CFAP299: variants seen among roughly 807,000 people sequenced by gnomAD.
The protein encoded by CFAP299 is cilia- and flagella-associated protein 299.
CFAP299 carries 21 observed loss-of-function variants against 27.0 expected under a neutral mutation model. The ratio of observed to expected loss-of-function variants is 0.78; its 90% confidence interval spans 0.55 to 1.12. The LOEUF (loss-of-function observed/expected upper bound fraction) is 1.12, where lower values mean the gene tolerates loss of function less well. Among genes scored for constraint, CFAP299 ranks in the 50% most tolerant of loss-of-function variants. The probability of loss-of-function intolerance (pLI) is 0.00; values close to 1 mark genes in which losing one functional copy is unlikely to be tolerated. For synonymous variants in CFAP299, 104 were observed against 98.1 expected (o/e 1.06, Z -0.36); for missense variants, 310 against 276.6 (o/e 1.12, Z -0.86).
intron 2 of CFAP299, among the ~76,000 whole-genome samples, chr4:80,488,475 T>C (rs1364966684): frequency 1.5e-4 from 14 of 94,912 alleles, no homozygotes; most frequent in African/African-American, 1.0e-3. Flanking sequence ...GGTAAACACC[T>C]TTTTTTTTTT....
chr4:80,926,238 T>C (rs1171602577), intron 4 of CFAP299, among the ~76,000 whole-genome samples: 1 of 152,030 alleles, frequency 6.6e-6, no homozygotes, highest in East Asian at 1.9e-4. Context: ...GTGCATGATG[T>C]GACTAGAGAG....
At chr4:80,678,292 T>G (rs1719603879) in intron 3 of CFAP299, among the ~76,000 whole-genome samples, 1 of 152,048 alleles carries the variant, frequency 6.6e-6, no homozygotes, top group South Asian at 2.1e-4. Flanking sequence ...CGTTTAAATT[T>G]GCTTTCATTT....
intron 4 of CFAP299, among the ~76,000 whole-genome samples, chr4:80,885,939 T>C (rs1313448182): frequency 1.3e-5 from 2 of 152,134 alleles, no homozygotes; most frequent in Non-Finnish European, 2.9e-5. Flanking sequence ...TTGGACAGCA[T>C]TTCTGGACCT....
chr4:80,904,123 T>G (rs1454928090), intron 4 of CFAP299, among the ~76,000 whole-genome samples: 1 of 152,148 alleles, frequency 6.6e-6, no homozygotes, highest in Non-Finnish European at 1.5e-5. Context: ...CAGTTGTGAG[T>G]GTATTATTTT....
intron 2 of CFAP299, among the ~76,000 whole-genome samples, chr4:80,391,052 C>T (rs13101758): frequency 2.6e-5 from 4 of 151,280 alleles, no homozygotes; most frequent in Middle Eastern, 3.2e-3. Context: ...CACATATATA[C>T]ACACATATAT....
intron 4 of CFAP299, among the ~76,000 whole-genome samples, chr4:80,913,516 A>T (rs941186464): frequency 6.6e-6 from 1 of 151,968 alleles, no homozygotes; most frequent in Non-Finnish European, 1.5e-5. Flanking sequence ...GTGTTTGAGG[A>T]GAGAGAGGCA....
intron 3 of CFAP299, among the ~76,000 whole-genome samples, chr4:80,754,997 A>G (rs1294366445): frequency 6.6e-6 from 1 of 152,142 alleles, no homozygotes; most frequent in Non-Finnish European, 1.5e-5. Flanking sequence ...TTTTTAAGTC[A>G]TTAATTGTCA....
At chr4:80,816,896 G>C (rs1444858797) in intron 3 of CFAP299, among the ~76,000 whole-genome samples, 1 of 152,108 alleles carries the variant, frequency 6.6e-6, no homozygotes, top group Admixed American at 6.6e-5. Flanking sequence ...TTATGAATTT[G>C]TGTTGGGCTG....
chr4:80,357,320 A>G (rs1327165502), intron 1 of CFAP299, among the ~76,000 whole-genome samples: 1 of 152,192 alleles, frequency 6.6e-6, no homozygotes, highest in Non-Finnish European at 1.5e-5. Context: ...TATCTCTGCC[A>G]GGTTTTGGTA....
chr4:80,359,666 A>C (rs570585841), intron 1 of CFAP299, among the ~76,000 whole-genome samples: 1 of 152,162 alleles, frequency 6.6e-6, no homozygotes, highest in African/African-American at 2.4e-5. Context: ...GTTTCAGCTC[A>C]ATCAGGTTAG....
intron 3 of CFAP299, among the ~76,000 whole-genome samples, chr4:80,687,873 G>T (rs1720320373): frequency 6.6e-6 from 1 of 152,218 alleles, no homozygotes; most frequent in Admixed American, 6.5e-5. Context: ...TTGCCTCACT[G>T]GGGAAGCACA....
At chr4:80,454,277 CA>C (rs1394192359) in intron 2 of CFAP299, among the ~76,000 whole-genome samples, 2 of 152,170 alleles carry the variant, frequency 1.3e-5, no homozygotes, top group African/African-American at 4.8e-5. Flanking sequence ...AGTTGAAAAA[CA>C]AGGACATTAG....
In CFAP299 at chr4:80,426,091, C is replaced by A. The variant is rs144778667; in HGVS notation, c.242+63207C>A. Among the ~76,000 whole-genome samples, 934 of 151,176 alleles carry A rather than the reference C, an allele frequency of 6.2e-3. 1 individual carries two copies. The highest frequency in any genetic ancestry group is 0.024 in the Middle Eastern group (7 of 288). ...GTTTAATAAAATTGACCACCAAAGA[C>A]AGCCTAATAGAGTTACCAGAGCTTT... is the stretch of plus-strand genomic sequence containing the variant. On this transcript the variant is annotated intron_variant, in intron 2 of 5. Coordinates refer to ENST00000358105, the MANE Select transcript of CFAP299 (RefSeq NM_152770.3).
Position 80,371,763 on chromosome 4 carries a change from AC to A in CFAP299, c.242+8881del, listed in dbSNP as rs1450563939. On this transcript the variant is annotated intron_variant, in intron 2 of 5. Coordinates refer to ENST00000358105, the MANE Select transcript of CFAP299 (RefSeq NM_152770.3). ...TTTCAATCTGAGACCACTTCAGCCTACCTTCACTATTCATATCACTATCAGC... is the reference window on the plus strand; with the variant it reads ...TTTCAATCTGAGACCACTTCAGCCTACTTCACTATTCATATCACTATCAGC... Among the ~76,000 whole-genome samples the A allele has an allele frequency of 2.6e-5, 4 of 152,192 alleles. No homozygotes were observed. In the East Asian group the frequency reaches 7.7e-4, roughly 29 times the overall value.
chr4:80,566,282 T>A (rs1359977216), intron 2 of CFAP299, among the ~76,000 whole-genome samples: 2 of 152,028 alleles, frequency 1.3e-5, no homozygotes, highest in Non-Finnish European at 1.5e-5. Context: ...TCTAATAGTA[T>A]TTTTTTAAGT....
At chr4:80,536,209 T>A (rs1733731358) in intron 2 of CFAP299, among the ~76,000 whole-genome samples, 1 of 152,170 alleles carries the variant, frequency 6.6e-6, no homozygotes, top group Non-Finnish European at 1.5e-5. Context: ...TGGGATAAAG[T>A]GCCTTTAAAA....
intron 4 of CFAP299, among the ~76,000 whole-genome samples, chr4:80,889,359 T>A (rs1118099): frequency 0.32 from 47,809 of 151,720 alleles, 11,173 homozygotes; most frequent in African/African-American, 0.65. Flanking sequence ...AATATATGCC[T>A]ATACATTGAA....
intron 3 of CFAP299, among the ~76,000 whole-genome samples, chr4:80,865,744 A>C (rs144332593): frequency 6.6e-6 from 1 of 152,018 alleles, no homozygotes; most frequent in Non-Finnish European, 1.5e-5. Context: ...CAGCCATAAA[A>C]AATGATGAGT....
At chr4:80,667,946 A>G (rs1741224107) in intron 3 of CFAP299, among the ~76,000 whole-genome samples, 1 of 152,116 alleles carries the variant, frequency 6.6e-6, no homozygotes, top group Non-Finnish European at 1.5e-5. Context: ...CCAACAATAT[A>G]TAAGGATTCC....
Sources: allele counts gnomAD v4.1 joint callset (sites outside exome capture counted in the v4.1 genomes callset), GRCh38; gene constraint gnomAD v4.1.1; transcripts MANE v1.5; gene names NCBI Gene and HGNC (gene_info 2026-07-23, HGNC 2026-07-21).